Variants in DLGAP2 observed in about 807,000 individuals in gnomAD.
DLGAP2 encodes disks large-associated protein 2.
In DLGAP2, 26 loss-of-function variants were observed where a neutral mutation model predicts 100.3. That is an observed-to-expected ratio of 0.26 (90% CI 0.19 to 0.36). The LOEUF (loss-of-function observed/expected upper bound fraction) is 0.36. Ranked by LOEUF, DLGAP2 falls within the 10% of genes least tolerant of loss-of-function variation. The pLI is 1.00. For missense variants in DLGAP2, 1,858 were observed against 1,453.2 expected, an observed-to-expected ratio of 1.28 and a Z score of -4.53; for synonymous variants, 886 against 630.1, an observed-to-expected ratio of 1.41 and a Z score of -6.08.
intron 1 of DLGAP2, chr8:738,578 C>G (rs1214164497): frequency 6.6e-6 from 1 of 152,094 alleles, no homozygotes; most frequent in Non-Finnish European, 1.5e-5. Flanking sequence ...CCTTCGCTAA[C>G]GATTGCAGGA....
rs111612388 is a variant in DLGAP2 at position 1,571,307 on chromosome 8, G to C, written c.1442+5413G>C. 1.2e-3 allele frequency among the ~76,000 whole-genome samples: 176 copies of C among 141,354 alleles called. 4 individuals are homozygous for C. The highest frequency in any genetic ancestry group is 4.4e-3 in the African/African-American group (165 of 37,518). The allele number at this position is 141,354 out of a possible 152,430, so 92.7% of individuals were successfully genotyped here. ...TGGAGAGGAGAGAGGTGAACTGTGC[G>C]GGCATCTGATGAGATGGGGAGGAGA... On this transcript the variant is annotated intron_variant, in intron 6 of 14. Coordinates refer to ENST00000637795, the MANE Select transcript of DLGAP2 (RefSeq NM_001346810.2).
At chr8:1,122,360 G>C (rs1243803742) in intron 2 of DLGAP2, among the ~76,000 whole-genome samples, 3 of 152,178 alleles carry the variant, frequency 2.0e-5, no homozygotes, top group Admixed American at 6.5e-5. Context: ...GATTCTAAAT[G>C]GCTTTCCCTA....
chr8:1,377,293 C>T (rs1023592558), intron 3 of DLGAP2, among the ~76,000 whole-genome samples: 2 of 152,212 alleles, frequency 1.3e-5, no homozygotes. Flanking sequence ...GCCTGTAATC[C>T]CAGCACTTTG....
At position 1,321,471 on chromosome 8, in the gene DLGAP2, A is replaced by G. The variant is rs577415030; in HGVS notation, c.106+62588A>G. Among the ~76,000 whole-genome samples the G allele has an allele frequency of 4.6e-5, 7 of 152,322 alleles. No individual in the cohort carries two copies. The South Asian group carries it at 1.0e-3, about 23-fold the overall frequency. On this transcript the variant is annotated intron_variant, in intron 3 of 14. Transcript: ENST00000637795. ...TGCATGTGTGCGTGCATCCGCATCC[A>G]TGTGCGTATGCATGGTCCGTGACCA... is the stretch of plus-strand genomic sequence containing the variant.
At chr8:898,880 A>T (rs1798196110) in intron 1 of DLGAP2, among the ~76,000 whole-genome samples, 1 of 152,212 alleles carries the variant, frequency 6.6e-6, no homozygotes, top group Non-Finnish European at 1.5e-5. Flanking sequence ...CTGGAGGGTG[A>T]GCCCTGCGCA....
intron 2 of DLGAP2, among the ~76,000 whole-genome samples, chr8:1,170,488 A>G (rs543811777): frequency 6.6e-6 from 1 of 152,106 alleles, no homozygotes; most frequent in South Asian, 2.1e-4. Flanking sequence ...CTCTGGTAGA[A>G]TTCGGCTGTG....
chr8:1,148,492 A>G (rs1172747304), intron 2 of DLGAP2, among the ~76,000 whole-genome samples: 1 of 151,874 alleles, frequency 6.6e-6, no homozygotes. Context: ...TTTGGATTTA[A>G]TTTCCTATCC....
intron 3 of DLGAP2, among the ~76,000 whole-genome samples, chr8:1,454,218 G>T (rs1226989619): frequency 6.6e-6 from 1 of 152,176 alleles, no homozygotes; most frequent in Non-Finnish European, 1.5e-5. Context: ...CAGCCGCCCG[G>T]CAGGATGTCC....
intron 1 of DLGAP2, among the ~76,000 whole-genome samples, chr8:799,822 C>T (rs995228599): frequency 4.6e-5 from 7 of 152,178 alleles, no homozygotes; most frequent in Non-Finnish European, 8.8e-5. Flanking sequence ...ATTGCGAGCT[C>T]CTGGGCTCAG....
chr8:823,609 C>T (rs942547602), intron 1 of DLGAP2, among the ~76,000 whole-genome samples: 1 of 152,144 alleles, frequency 6.6e-6, no homozygotes, highest in Non-Finnish European at 1.5e-5. Flanking sequence ...TCTGCACAGA[C>T]CCCTTCCTGG....
At chr8:1,174,757 A>C (rs1430882331) in intron 2 of DLGAP2, among the ~76,000 whole-genome samples, 1 of 152,104 alleles carries the variant, frequency 6.6e-6, no homozygotes, top group East Asian at 1.9e-4. Flanking sequence ...CATCATTACT[A>C]TCACTATCAT....
chr8:1,387,515 A>C (rs1796248021), intron 3 of DLGAP2, among the ~76,000 whole-genome samples: 1 of 152,164 alleles, frequency 6.6e-6, no homozygotes, highest in South Asian at 2.1e-4. Context: ...GTTCTGGAGA[A>C]GGACGGTGGT....
intron 2 of DLGAP2, among the ~76,000 whole-genome samples, chr8:1,214,883 G>T (rs1352418515): frequency 6.6e-6 from 1 of 152,212 alleles, no homozygotes; most frequent in South Asian, 2.1e-4. Context: ...CACATTTGTG[G>T]CCATAACCTG....
chr8:1,286,648 G>C (rs1005188757), intron 3 of DLGAP2, among the ~76,000 whole-genome samples: 1 of 152,094 alleles, frequency 6.6e-6, no homozygotes, highest in African/African-American at 2.4e-5. Context: ...ATCCGTGCTG[G>C]GCTGTACAGC....
intron 3 of DLGAP2, among the ~76,000 whole-genome samples, chr8:1,467,750 G>A (rs1046615888): frequency 2.0e-5 from 3 of 152,100 alleles, no homozygotes; most frequent in Non-Finnish European, 2.9e-5. Flanking sequence ...GCCAGTAAGG[G>A]GGGCAGAGTG....
chr8:1,108,780 A>G (rs1419201692), intron 2 of DLGAP2, among the ~76,000 whole-genome samples: 12 of 103,526 alleles, frequency 1.2e-4, no homozygotes, highest in African/African-American at 3.1e-4. Context: ...GTGCCTATGA[A>G]GTGTGCTGGG....
chr8:1,336,063 G>C (rs959083878), intron 3 of DLGAP2, among the ~76,000 whole-genome samples: 2 of 152,276 alleles, frequency 1.3e-5, no homozygotes, highest in African/African-American at 4.8e-5. Flanking sequence ...CCCGTCTCAT[G>C]TCAAGCCTGG....
intron 6 of DLGAP2, among the ~76,000 whole-genome samples, chr8:1,590,141 C>T (rs973167903): frequency 2.6e-5 from 4 of 152,172 alleles, no homozygotes; most frequent in African/African-American, 7.2e-5. Context: ...CCCTTCTCCT[C>T]TTCTCATAAG....
intron 3 of DLGAP2, chr8:1,302,251 C>CTCTGCTCCACACCTGGGACCGGACTCGGA (rs1800366360): frequency 8.6e-6 from 1 of 116,714 alleles, no homozygotes; most frequent in African/African-American, 4.0e-5. Context: ...CCGGACTCAG[C>CTCTGCTCCACACCTGGGACCGGACTCGGA]ATTTTCTGTG....
Sources: gnomAD v4.1 joint callset for allele counts (sites outside exome capture counted in the v4.1 genomes callset) on GRCh38, gnomAD v4.1.1 for gene constraint, MANE v1.5 for transcripts, NCBI Gene and HGNC (gene_info 2026-07-23, HGNC 2026-07-21) for gene names.